Variants in SSUH2 observed in about 807,000 individuals in gnomAD.
SSUH2 encodes the protein ssu-2 homolog, also known as protein SSUH2 homolog.
A neutral mutation model predicts 55.3 loss-of-function variants in SSUH2; 47 were observed. The observed-to-expected ratio is 0.85, with a 90% confidence interval of 0.67 to 1.08. The LOEUF is 1.08. SSUH2 is among the 50% of genes least tolerant of loss of function. SSUH2 has a pLI of 0.00. For synonymous variants in SSUH2, 212 were observed against 191.5 expected (o/e 1.11, Z -0.89); for missense variants, 535 against 490.7 (o/e 1.09, Z -0.85).
intron 1 of SSUH2, among the ~76,000 whole-genome samples, chr3:8,643,211 G>A (rs1701156280): frequency 6.6e-6 from 1 of 152,088 alleles, no homozygotes; most frequent in African/African-American, 2.4e-5. Flanking sequence ...ACGAATCTTT[G>A]ATCAATCCTG....
chr3:8,677,019 T>G (rs1705422296), intron 3 of SSUH2, among the ~76,000 whole-genome samples: 1 of 141,328 alleles, frequency 7.1e-6, no homozygotes, highest in South Asian at 2.4e-4. Context: ...GAGACCTCCA[T>G]CGCGGTGGGG....
At chr3:8,644,841 T>A, upstream of SSUH2, 1 of 1,198,540 alleles carries the variant, frequency 8.3e-7, no homozygotes. Context: ...CTCAGGCCCC[T>A]CCCAGAACAG....
At chr3:8,670,615 A>C (rs553441730) in intron 5 of SSUH2, among the ~76,000 whole-genome samples, 8 of 152,218 alleles carry the variant, frequency 5.3e-5, no homozygotes, top group African/African-American at 1.7e-4. Context: ...CAGGGAGTAC[A>C]TGCCGTGTGA....
At chr3:8,655,533 C>T (rs977236540) in intron 7 of SSUH2, among the ~76,000 whole-genome samples, 4 of 152,280 alleles carry the variant, frequency 2.6e-5, no homozygotes, top group South Asian at 4.2e-4. Flanking sequence ...GTGGCCTCCC[C>T]GAGATCACAG....
intron 4 of SSUH2, among the ~76,000 whole-genome samples, chr3:8,632,858 G>A (rs1245787593): frequency 6.6e-6 from 1 of 152,196 alleles, no homozygotes; most frequent in East Asian, 1.9e-4. Flanking sequence ...GAAGTCTAGT[G>A]GCAGGTAGAT....
At chr3:8,628,108 C>A (rs1697976977) in intron 7 of SSUH2, among the ~76,000 whole-genome samples, 1 of 152,148 alleles carries the variant, frequency 6.6e-6, no homozygotes, top group Non-Finnish European at 1.5e-5. Flanking sequence ...AGGGGCCTGG[C>A]ACTGGAGACA....
At chr3:8,641,867 C>T (rs917430712) in intron 1 of SSUH2, among the ~76,000 whole-genome samples, 23 of 152,096 alleles carry the variant, frequency 1.5e-4, no homozygotes, top group Non-Finnish European at 2.6e-4. Context: ...AGGGCAGGGG[C>T]ATTCTATGAA....
At chr3:8,620,231 C>T (rs763714445) in intron 11 of SSUH2, among the ~76,000 whole-genome samples, 1 of 152,114 alleles carries the variant, frequency 6.6e-6, no homozygotes, top group Non-Finnish European at 1.5e-5. Flanking sequence ...GTAATTGAAT[C>T]GTGGGGGTGG....
At chr3:8,651,771 G>T (rs1268164942) in intron 7 of SSUH2, among the ~76,000 whole-genome samples, 4 of 152,104 alleles carry the variant, frequency 2.6e-5, no homozygotes, top group African/African-American at 7.2e-5. Flanking sequence ...ACAGCCCTCA[G>T]CAAGGATGGA....
At chr3:8,641,602 A>G (rs1052605605) in intron 1 of SSUH2, among the ~76,000 whole-genome samples, 2 of 152,198 alleles carry the variant, frequency 1.3e-5, no homozygotes, top group Admixed American at 6.5e-5. Flanking sequence ...TACCGGAACC[A>G]CTATCCCCCT....
chr3:8,676,702 G>A (rs1455871838), intron 3 of SSUH2, among the ~76,000 whole-genome samples: 3 of 131,402 alleles, frequency 2.3e-5, no homozygotes, highest in Non-Finnish European at 5.1e-5. Context: ...AATTTCACAG[G>A]CTGGGTGAAC....
chr3:8,675,277 T>A (rs1200576642), intron 3 of SSUH2, among the ~76,000 whole-genome samples: 3 of 152,064 alleles, frequency 2.0e-5, no homozygotes, highest in Non-Finnish European at 4.4e-5. Context: ...AGATCCGGAG[T>A]CAGGTGTCAC....
rs1403959327 is a variant in SSUH2, at chr3:8,678,906, C to T, written c.-901+799G>A. Among the ~76,000 whole-genome samples, 276 of 115,066 alleles carry T rather than the reference C, an allele frequency of 2.4e-3. 41 individuals carry two copies. The highest frequency in any genetic ancestry group is 4.3e-3 in the Non-Finnish European group (212 of 49,690). The allele number at this position is 115,066 out of a possible 152,430, so 75.5% of individuals were successfully genotyped here. On this transcript the variant is annotated intron_variant, in intron 2 of 18. Transcript: ENST00000317371. ...CCCATTGCAAGGGAGGGAGGCACCC[C>T]CCGCCAGGCGGGGACTGAGAGCCAG... is the stretch of plus-strand genomic sequence containing the variant.
Position 8,635,284 on chromosome 3 carries a change from A to G in SSUH2, c.209+16T>C. 3.9e-6 allele frequency: 6 copies of G among 1,530,028 alleles called. No homozygotes were observed. Among genetic ancestry groups the G allele is most frequent in the Non-Finnish European group, 5.3e-6 (6 of 1,142,026 alleles). The allele number at this position is 1,530,028 out of a possible 1,614,324, so 94.8% of individuals were successfully genotyped here. On this transcript the variant is annotated intron_variant, in intron 3 of 11. Transcript: ENST00000544814. ...TAGGAAATGCACACAGTCACAGAGTACAACCTGAAACTCACCTGTGTTCCA... is the reference window on the plus strand; with the variant it reads ...TAGGAAATGCACACAGTCACAGAGTGCAACCTGAAACTCACCTGTGTTCCA...
intron 6 of SSUH2, among the ~76,000 whole-genome samples, chr3:8,661,277 A>G (rs412508): frequency 0.79 from 119,780 of 152,148 alleles, 47,329 homozygotes; most frequent in East Asian, 0.85. Context: ...CTAATCCACC[A>G]AAATCTCATT....
At chr3:8,677,012 A>C (rs1705419800) in intron 3 of SSUH2, among the ~76,000 whole-genome samples, 1 of 114,828 alleles carries the variant, frequency 8.7e-6, no homozygotes, top group African/African-American at 3.5e-5. Flanking sequence ...GGCTCTTGAG[A>C]CCTCCATCGC....
In SSUH2 at chr3:8,635,434, T is replaced by C. The variant is rs1475145085; in HGVS notation, c.128-53A>G. On this transcript the variant is annotated intron_variant, in intron 2 of 11. Transcript: ENST00000544814. ...ACAGCCCAGGCCAAAGGAACAAATA[T>C]TTGTGTGGTGGAAGAAGGAAAGACT... The C allele has an allele frequency of 2.3e-6, 3 of 1,294,740 alleles. No homozygotes were observed. The Admixed American group carries it at 6.6e-5, about 29-fold the overall frequency. The allele number at this position is 1,294,740 out of a possible 1,614,324, so 80.2% of individuals were successfully genotyped here.
intron 1 of SSUH2, among the ~76,000 whole-genome samples, chr3:8,644,035 A>G (rs1701320121): frequency 6.6e-6 from 1 of 151,692 alleles, no homozygotes; most frequent in Non-Finnish European, 1.5e-5. Context: ...CCTGTTTCAA[A>G]TTCGGATTCA....
intron 5 of SSUH2, among the ~76,000 whole-genome samples, chr3:8,668,885 G>A (rs17031930): frequency 0.034 from 4,835 of 140,758 alleles, 284 homozygotes; most frequent in African/African-American, 0.12. Flanking sequence ...CTGATTCTAC[G>A]TTTTACAACC....
Sources: gnomAD v4.1 joint callset for allele counts (sites outside exome capture counted in the v4.1 genomes callset) on GRCh38, gnomAD v4.1.1 for gene constraint, MANE v1.5 for transcripts, NCBI Gene and HGNC (gene_info 2026-07-23, HGNC 2026-07-21) for gene names.